The following DNAH12 variants were observed in gnomAD, a reference collection of about 807,000 sequenced individuals.
The protein encoded by DNAH12 is axonemal beta dynein heavy chain 12.
In DNAH12, 285 loss-of-function variants were observed where a neutral mutation model predicts 371.5. The observed-to-expected ratio is 0.77, with a 90% CI of 0.70 to 0.85. The LOEUF (loss-of-function observed/expected upper bound fraction) is 0.85. Ranked by LOEUF, DNAH12 falls within the 40% of genes least tolerant of loss-of-function variation. The pLI, the probability that DNAH12 is intolerant of heterozygous loss-of-function variation, is 0.00. For synonymous variants in DNAH12, 1,200 were observed against 1,213.0 expected, an observed-to-expected ratio of 0.99 and a Z score of 0.22; for missense variants, 3,611 against 3,689.4, an observed-to-expected ratio of 0.98 and a Z score of 0.55.
chr3:57,505,736 G>A (rs2067733618), intron 8 of DNAH12, among the ~76,000 whole-genome samples: 1 of 151,126 alleles, frequency 6.6e-6, no homozygotes, highest in Admixed American at 6.6e-5. Flanking sequence ...CCACTGCGCC[G>A]AGCCTGTTTC....
At chr3:57,304,497 A>C (rs752683669) in intron 69 of DNAH12, among the ~76,000 whole-genome samples, 1 of 152,170 alleles carries the variant, frequency 6.6e-6, no homozygotes. Flanking sequence ...GCCAAACTTC[A>C]ATCTCTCTCT....
At position 57,470,547 on chromosome 3, in the gene DNAH12, CT is replaced by C; in HGVS notation, c.2000del (p.Lys667SerfsTer4). On this transcript the variant is annotated frameshift_variant, in exon 16 of 74. Transcript: ENST00000495027. LOFTEE classifies it high-confidence loss of function. Reference protein sequence around the residue: ...QFINKEEELFKWELTKYPELD... With the variant: ...QFINKEEELFXWELTKYPELD... ...GTTCAGGATATTTTGTCAATTCCCA[CT>C]TGAAAAGTTCCTCTTCTTTATTAAT... 1 of 1,550,182 alleles carries C rather than the reference CT, an allele frequency of 6.5e-7. No individual in the cohort carries two copies. The highest frequency in any genetic ancestry group is 8.7e-7 in the Non-Finnish European group (1 of 1,146,674).
chr3:57,353,301 T>A (rs1356192871), intron 59 of DNAH12, among the ~76,000 whole-genome samples: 1 of 152,048 alleles, frequency 6.6e-6, no homozygotes, highest in East Asian at 1.9e-4. Flanking sequence ...CACTTTATTT[T>A]TTTTTTTTGG....
chr3:57,428,380 T>C, intron 34 of DNAH12: 3 of 1,384,964 alleles, frequency 2.2e-6, no homozygotes, highest in Non-Finnish European at 1.9e-6. Flanking sequence ...TTTAAAATAA[T>C]TTGAAATACG....
chr3:57,319,366 T>C (rs933091597), intron 65 of DNAH12, among the ~76,000 whole-genome samples: 1 of 152,212 alleles, frequency 6.6e-6, no homozygotes, highest in African/African-American at 2.4e-5. Flanking sequence ...CTCCTGTTTC[T>C]TTTTCTTGCC....
At position 57,377,707 on chromosome 3, in the gene DNAH12, A is replaced by C. The variant is rs943437259; in HGVS notation, c.8224-485T>G. 4.6e-5 allele frequency among the ~76,000 whole-genome samples: 7 copies of C among 152,238 alleles called. 1 individual carries two copies. The highest frequency in any genetic ancestry group is 1.7e-4 in the African/African-American group (7 of 41,542). On this transcript the variant is annotated intron_variant, in intron 52 of 73. Transcript: ENST00000495027. Reference sequence around the variant, plus strand: ...TGATGGTGGAAATAAAAAGGAAGAAAACCTCAATGCTCAGTTTCACTACCA... The same window carrying C: ...TGATGGTGGAAATAAAAAGGAAGAACACCTCAATGCTCAGTTTCACTACCA...
chr3:57,412,053 GC>G lies in DNAH12; in HGVS notation c.6020+1692del, dbSNP rs539658245. 9.2e-5 allele frequency among the ~76,000 whole-genome samples: 14 copies of G among 152,252 alleles called. No individual in the cohort carries two copies. In the South Asian group the frequency reaches 2.5e-3, roughly 27 times the overall value. ...CAGTTAACTAATCTTTGACAAAGGA[GC>G]AAAGGCAATATTATGGAGCAAAGAT... On this transcript the variant is annotated intron_variant, in intron 39 of 73. Coordinates refer to ENST00000495027, the MANE Select transcript of DNAH12 (RefSeq NM_001366028.2).
rs142106550 is a variant in DNAH12 at position 57,455,014 on chromosome 3, T to G, written c.3337-120A>C. 2.7e-3 allele frequency: 2,772 copies of G among 1,011,374 alleles called. 49 individuals are homozygous for G. In the Admixed American group the frequency reaches 0.05, roughly 18 times the overall value. 62.7% of individuals were successfully genotyped at this position (1,011,374 alleles called of 1,614,324 possible). Reference sequence around the variant, plus strand: ...CATAGGCTAGAATGTCATATAGTCATAAAAAATGTTAAATGACTAAAAGAC... The same window carrying G: ...CATAGGCTAGAATGTCATATAGTCAGAAAAAATGTTAAATGACTAAAAGAC... On this transcript the variant is annotated intron_variant, in intron 22 of 73. Transcript: ENST00000495027.
chr3:57,424,973 G>A, intron 35 of DNAH12, 49 bp downstream of exon 35: 1 of 680,130 alleles, frequency 1.5e-6, no homozygotes. Context: ...TCATGTACCA[G>A]AAGCATAATT....
At chr3:57,418,132 G>A (rs1205907267) in intron 37 of DNAH12, among the ~76,000 whole-genome samples, 2 of 150,936 alleles carry the variant, frequency 1.3e-5, no homozygotes, top group South Asian at 4.2e-4. Flanking sequence ...TTCCAGCCTG[G>A]GAGACAGAGC....
intron 60 of DNAH12, among the ~76,000 whole-genome samples, chr3:57,349,812 T>G (rs1365158047): frequency 6.6e-6 from 1 of 152,104 alleles, no homozygotes; most frequent in Non-Finnish European, 1.5e-5. Context: ...CTCAGCCTCT[T>G]GAGTAGCTGG....
In DNAH12 at chr3:57,499,673, T is replaced by TATATACACAC. The variant is rs771112538; in HGVS notation, c.1335+1647_1335+1648insGTGTGTATAT. Among the ~76,000 whole-genome samples, 56 of 44,430 alleles carry TATATACACAC rather than the reference T, an allele frequency of 1.3e-3. 2 individuals are homozygous for TATATACACAC. The highest frequency in any genetic ancestry group is 3.9e-3 in the African/African-American group (44 of 11,212). 29.1% of individuals were successfully genotyped at this position (44,430 alleles called of 152,430 possible). A position where few individuals can be genotyped will look rare whatever the true frequency, so the allele number is the denominator to read the frequency against. On this transcript the variant is annotated intron_variant, in intron 11 of 73. Transcript: ENST00000495027. ...ATATATATATATATATATATATATA[T>TATATACACAC]ATACTTCTTAAAAAAATTAGCCAGG... is the stretch of plus-strand genomic sequence containing the variant.
At chr3:57,413,379 C>A (rs2064265240) in intron 39 of DNAH12, among the ~76,000 whole-genome samples, 4 of 152,132 alleles carry the variant, frequency 2.6e-5, no homozygotes, top group Admixed American at 2.6e-4. Context: ...ATATCATATA[C>A]ATTTCTCCAA....
At chr3:57,301,452 T>G (rs573318701) in intron 70 of DNAH12, among the ~76,000 whole-genome samples, 2 of 152,092 alleles carry the variant, frequency 1.3e-5, no homozygotes, top group African/African-American at 4.8e-5. Context: ...CATATTACAT[T>G]GGTTTGGCTG....
intron 59 of DNAH12, among the ~76,000 whole-genome samples, chr3:57,353,502 C>T (rs1294564049): frequency 2.6e-5 from 4 of 151,954 alleles, no homozygotes; most frequent in East Asian, 1.9e-4. Context: ...ACTATGTTGC[C>T]CAGGCTGTCA....
chr3:57,348,938 G>C (rs2062607745), intron 60 of DNAH12, among the ~76,000 whole-genome samples: 1 of 152,036 alleles, frequency 6.6e-6, no homozygotes, highest in Admixed American at 6.6e-5. Context: ...TTGTGTAAAA[G>C]AACAACAAAC....
chr3:57,540,620 T>A (rs1203104428), intron 2 of DNAH12, among the ~76,000 whole-genome samples: 1 of 152,114 alleles, frequency 6.6e-6, no homozygotes, highest in African/African-American at 2.4e-5. Flanking sequence ...TGCAAGATAA[T>A]GAAAAGTTAT....
intron 67 of DNAH12, among the ~76,000 whole-genome samples, chr3:57,310,282 C>T (rs547753098): frequency 7.5e-4 from 114 of 152,256 alleles, no homozygotes; most frequent in African/African-American, 2.6e-3. Flanking sequence ...AATTTATCAC[C>T]CTCTGTTAAA....
chr3:57,371,740 GAC>G (rs2063175262), intron 55 of DNAH12, among the ~76,000 whole-genome samples: 1 of 149,002 alleles, frequency 6.7e-6, no homozygotes, highest in African/African-American at 2.5e-5. Context: ...GAAAACTAAA[GAC>G]AGAGAAAAAT....
Sources: gnomAD v4.1 joint callset for allele counts (sites outside exome capture counted in the v4.1 genomes callset) on GRCh38, gnomAD v4.1.1 for gene constraint, MANE v1.5 for transcripts, NCBI Gene and HGNC (gene_info 2026-07-23, HGNC 2026-07-21) for gene names.